Variants in MIB1 observed in about 807,000 individuals in gnomAD.
MIB1 encodes MIB E3 ubiquitin protein ligase 1.
MIB1 carries 278 observed loss-of-function variants against 124.5 expected under a neutral mutation model. That is an observed-to-expected ratio of 2.23 (90% CI 2.02 to 2.47). The LOEUF (loss-of-function observed/expected upper bound fraction) is 2.47, where lower values mean the gene tolerates loss of function less well. MIB1 is among the 30% of genes most tolerant of loss of function. MIB1 has a pLI of 0.00. For missense variants in MIB1, 957 were observed against 1,254.4 expected, an observed-to-expected ratio of 0.76 and a Z score of 3.58; for synonymous variants, 446 against 429.4, an observed-to-expected ratio of 1.04 and a Z score of -0.48.
At chr18:21,739,671 G>C (rs1341803004), upstream of MIB1, among the ~76,000 whole-genome samples, 2 of 152,076 alleles carry the variant, frequency 1.3e-5, no homozygotes, top group African/African-American at 4.8e-5. Flanking sequence ...GAGCTCAGGA[G>C]TTCGAGACCA....
At chr18:21,849,514 G>T in intron 17 of MIB1, 126 bp downstream of exon 17, 2 of 465,276 alleles carry the variant, frequency 4.3e-6, no homozygotes, top group Non-Finnish European at 7.3e-6. Flanking sequence ...TTTAAATATA[G>T]GAATATATAA....
chr18:21,719,188 CAA>C (rs201457192), intron 1 of MIB1, among the ~76,000 whole-genome samples: 17 of 95,146 alleles, frequency 1.8e-4, no homozygotes, highest in African/African-American at 2.0e-4. Context: ...AACTCCGTCT[CAA>C]AAAAAAAAAA....
At chr18:21,785,940 C>A (rs1208227201) in intron 6 of MIB1, among the ~76,000 whole-genome samples, 1 of 152,122 alleles carries the variant, frequency 6.6e-6, no homozygotes, top group African/African-American at 2.4e-5. Flanking sequence ...CTTGCTCTCT[C>A]CTGTCCTGTA....
intron 4 of MIB1, among the ~76,000 whole-genome samples, chr18:21,777,131 T>C (rs2041298370): frequency 6.6e-6 from 1 of 151,800 alleles, no homozygotes; most frequent in Non-Finnish European, 1.5e-5. Flanking sequence ...TAAAATGGAA[T>C]GTGCTGGCCC....
At chr18:21,724,712 CAAAAAA>C (rs1193584277) in intron 1 of MIB1, among the ~76,000 whole-genome samples, 51 of 20,742 alleles carry the variant, frequency 2.5e-3, no homozygotes, top group Admixed American at 3.8e-3. Context: ...CTCCCCCATC[CAAAAAA>C]AAAAAAAAAA....
At chr18:21,777,069 A>G (rs1460844857) in intron 4 of MIB1, among the ~76,000 whole-genome samples, 1 of 152,152 alleles carries the variant, frequency 6.6e-6, no homozygotes, top group Non-Finnish European at 1.5e-5. Context: ...TGTATTGGCT[A>G]TTAGTTTTGA....
chr18:21,760,706 G>A (rs1364557657), intron 1 of MIB1, among the ~76,000 whole-genome samples: 1 of 152,188 alleles, frequency 6.6e-6, no homozygotes. Flanking sequence ...TGTGGAAAAT[G>A]AACTTAGAAA....
At chr18:21,856,825 A>C (rs201384006) in intron 18 of MIB1, among the ~76,000 whole-genome samples, 54 of 152,354 alleles carry the variant, frequency 3.5e-4, no homozygotes, top group African/African-American at 1.3e-3. Context: ...TTTATTCTCA[A>C]GTCTTAAAAT....
At chr18:21,727,386 G>A (rs1433399991) in intron 1 of MIB1, among the ~76,000 whole-genome samples, 1 of 152,150 alleles carries the variant, frequency 6.6e-6, no homozygotes, top group Non-Finnish European at 1.5e-5. Flanking sequence ...GCCCACCTCG[G>A]CCTCCCAGAG....
At chr18:21,713,612 C>CAAAAA (rs57282241) in intron 1 of MIB1, among the ~76,000 whole-genome samples, 6 of 44,190 alleles carry the variant, frequency 1.4e-4, no homozygotes, top group African/African-American at 2.2e-4. Flanking sequence ...GATTCTGTCT[C>CAAAAA]AAAAAAAAAA....
intron 9 of MIB1, chr18:21,803,656 A>G (rs146924020): frequency 3.6e-5 from 11 of 307,848 alleles, no homozygotes; most frequent in African/African-American, 1.1e-4. Context: ...CCTTCTTTCA[A>G]CTTTGCAGAT....
Position 21,773,728 on chromosome 18 carries a change from G to A in MIB1, c.636G>A (p.Met212Ile). 1 of 1,581,554 alleles carries A rather than the reference G, an allele frequency of 6.3e-7. No homozygotes were observed. The highest frequency in any genetic ancestry group is 8.6e-7 in the Non-Finnish European group (1 of 1,163,440). The part of the protein sequence containing the change: ...KNLYRVGFEG[M>I]SDLKCVQDAK... ...TTTACAGAGTTGGCTTTGAGGGCAT[G>A]GTAAGTAGTGAAGAGCCATAGCAGG... The change falls in exon 4 of 21, where the codon ATG (methionine) becomes ATA (isoleucine). Residue 212 changes from methionine to isoleucine, a missense_variant and splice_region_variant. Transcript: ENST00000261537.
At chr18:21,722,319 G>T (rs2040719401) in intron 1 of MIB1, among the ~76,000 whole-genome samples, 2 of 152,032 alleles carry the variant, frequency 1.3e-5, no homozygotes, top group African/African-American at 4.8e-5. Flanking sequence ...CTCCTAAAGT[G>T]CTGGGATTAC....
chr18:21,856,954 A>C (rs868455401), intron 18 of MIB1, among the ~76,000 whole-genome samples, 176 bp from the exon 19 acceptor site: 3 of 152,218 alleles, frequency 2.0e-5, no homozygotes, highest in Non-Finnish European at 4.4e-5. Context: ...GAGGCTACCG[A>C]TGGAGAATAC....
Position 21,724,636 on chromosome 18 carries a change from C to T in MIB1, n.167+19513C>T, listed in dbSNP as rs193188597. On this transcript the variant is annotated intron_variant and non_coding_transcript_variant, in intron 1 of 20. Transcript: ENST00000578646. Reference sequence around the variant, plus strand: ...ACAAGAATTGCTTGAACTGTGGGGGCGGAGGTTGCAGTGAGCTGAGATTAT... The same window carrying T: ...ACAAGAATTGCTTGAACTGTGGGGGTGGAGGTTGCAGTGAGCTGAGATTAT... 9.9e-5 allele frequency among the ~76,000 whole-genome samples: 14 copies of T among 140,928 alleles called. No homozygotes were observed. In the East Asian group the frequency reaches 2.6e-3, roughly 26 times the overall value. The allele number at this position is 140,928 out of a possible 152,430, so 92.5% of individuals were successfully genotyped here. A position where few individuals can be genotyped will look rare whatever the true frequency, so the allele number is the denominator to read the frequency against.
chr18:21,781,933 TTTTG>T (rs1416268662), intron 6 of MIB1, among the ~76,000 whole-genome samples: 1 of 152,086 alleles, frequency 6.6e-6, no homozygotes, highest in Non-Finnish European at 1.5e-5. Flanking sequence ...GATTTGTTGA[TTTTG>T]TTTATCTTTT....
At chr18:21,852,324 C>A (rs2042187366) in intron 17 of MIB1, among the ~76,000 whole-genome samples, 1 of 152,030 alleles carries the variant, frequency 6.6e-6, no homozygotes, top group Admixed American at 6.6e-5. Flanking sequence ...AGCACACGTG[C>A]ATGTATTTGG....
intron 11 of MIB1, chr18:21,817,488 A>G (rs1236478842): frequency 5.5e-6 from 1 of 182,474 alleles, no homozygotes; most frequent in Admixed American, 6.0e-5. Flanking sequence ...TATATTGGGC[A>G]CAGATAATAG....
intron 1 of MIB1, among the ~76,000 whole-genome samples, chr18:21,706,554 G>A (rs971993238): frequency 2.6e-5 from 4 of 152,170 alleles, no homozygotes; most frequent in Admixed American, 6.5e-5. Context: ...TGTGCCCCGC[G>A]ATCACGGGCC....
Sources: allele counts gnomAD v4.1 joint callset (sites outside exome capture counted in the v4.1 genomes callset), GRCh38; gene constraint gnomAD v4.1.1; transcripts MANE v1.5; gene names NCBI Gene and HGNC (gene_info 2026-07-23, HGNC 2026-07-21).